The following SRP68 variants were observed in gnomAD, a reference collection of about 807,000 sequenced individuals.
SRP68 encodes signal recognition particle subunit SRP68.
In SRP68, 15 loss-of-function variants were observed where a neutral mutation model predicts 82.2. The ratio of observed to expected loss-of-function variants is 0.18; its 90% CI spans 0.12 to 0.28. SRP68 has a LOEUF of 0.28. SRP68 is among the 10% of genes least tolerant of loss of function. The pLI is 1.00. For synonymous variants in SRP68, 261 were observed against 292.6 expected (o/e 0.89, Z 1.10); for missense variants, 595 against 780.5 (o/e 0.76, Z 2.83).
intron 7 of SRP68, among the ~76,000 whole-genome samples, chr17:76,059,709 G>A (rs1183193435): frequency 1.3e-5 from 2 of 151,562 alleles, no homozygotes; most frequent in African/African-American, 2.4e-5. Context: ...AACGCTGGGA[G>A]GCCGAGGCGG....
In SRP68 at chr17:76,039,921, G is replaced by A. The variant is rs140566396; in HGVS notation, c.1669C>T (p.Arg557Trp). The change falls in exon 16 of 16, where the codon CGG becomes TGG. Residue 557 changes from arginine (R) to tryptophan (W), a missense_variant. Physicochemically the swap from Arg to Trp is moderately radical, Grantham distance 101. Coordinates refer to ENST00000307877, the MANE Select transcript of SRP68 (RefSeq NM_014230.4). ...GGGTCCAGGCAGAATGTCTCAAACC[G>A]TTCAACCAGAGGCTGGAAGTCAAAT... The part of the protein sequence containing the change: ...QVKDNKPLVE[R>W]FETFCLDPSL... 4.0e-5 allele frequency: 64 copies of A among 1,614,022 alleles called. No individual in the cohort carries two copies. Among genetic ancestry groups the A allele is most frequent in the Middle Eastern group, 3.3e-4 (2 of 6,084 alleles).
Position 76,072,159 on chromosome 17 carries a change from A to T in SRP68, c.184+149T>A. ...TAGTCGAGAGACAGACCCCCCCCGG[A>T]ATTCTGAGCACCAAAAGGTAAGGGC... On this transcript the variant is annotated intron_variant, in intron 1 of 15. Coordinates refer to ENST00000307877, the MANE Select transcript of SRP68 (RefSeq NM_014230.4). The surrounding 1 kb of genome is among the most constrained non-coding windows in gnomAD (Gnocchi z 4.5). 3.3e-6 allele frequency: 4 copies of T among 1,213,808 alleles called. No individual in the cohort carries two copies. The highest frequency in any genetic ancestry group is 3.4e-6 in the Non-Finnish European group (3 of 872,688). 75.2% of individuals were successfully genotyped at this position (1,213,808 alleles called of 1,614,324 possible). A position where few individuals can be genotyped will look rare whatever the true frequency, so the allele number is the denominator to read the frequency against.
intron 13 of SRP68, 169 bp downstream of exon 13, chr17:76,043,660 T>C (rs2066608128): frequency 3.6e-6 from 2 of 548,356 alleles, no homozygotes; most frequent in Non-Finnish European, 6.0e-6. Flanking sequence ...AGCACAGCCA[T>C]GAGTGACACA....
intron 8 of SRP68, among the ~76,000 whole-genome samples, chr17:76,055,795 CT>C (rs1269495100): frequency 2.8e-5 from 4 of 140,922 alleles, no homozygotes; most frequent in South Asian, 2.2e-4. Flanking sequence ...AAGTTATTAA[CT>C]TTTTTTTCTT....
Position 76,040,444 on chromosome 17 carries a change from G to A in SRP68, c.1631C>T (p.Ser544Phe). Reference sequence around the variant, plus strand: ...CTTATTGTCCTTGACTTGGGAGGAGGAGGTCTCTGTTTGATGAGCGTCGTT... The same window carrying A: ...CTTATTGTCCTTGACTTGGGAGGAGAAGGTCTCTGTTTGATGAGCGTCGTT... ...DANDAHQTET[S>F]SSQVKDNKPL... The change falls in exon 15 of 16, where the codon TCC becomes TTC. Residue 544 changes from serine to phenylalanine, a missense_variant. Ser to Phe is a radical substitution (Grantham distance 155). This residue lies in a region of SRP68 where 495 missense variants were observed against 688.6 expected (regional missense o/e 0.72). Transcript: ENST00000307877. 1 of 1,614,200 alleles carries A rather than the reference G, an allele frequency of 6.2e-7. No individual in the cohort carries two copies. The highest frequency in any genetic ancestry group is 8.5e-7 in the Non-Finnish European group (1 of 1,180,020).
chr17:76,047,082 G>A (rs1230814788), intron 10 of SRP68, among the ~76,000 whole-genome samples: 5 of 152,200 alleles, frequency 3.3e-5, no homozygotes, highest in African/African-American at 4.8e-5. Context: ...AATGAGGCAA[G>A]GGCCGCAGGG....
chr17:76,059,665 G>A (rs1319669593), intron 7 of SRP68, among the ~76,000 whole-genome samples: 2 of 151,904 alleles, frequency 1.3e-5, no homozygotes, highest in African/African-American at 4.8e-5. Context: ...TTGAATACTT[G>A]GCCGAGAACA....
intron 6 of SRP68, chr17:76,060,678 G>A (rs1467950819): frequency 1.0e-5 from 4 of 381,486 alleles, no homozygotes; most frequent in Non-Finnish European, 1.9e-5. Context: ...TGGACTTTGG[G>A]AGATGATGGT....
intron 8 of SRP68, 22 bp downstream of exon 8, chr17:76,057,381 A>G: frequency 2.5e-6 from 4 of 1,614,118 alleles, no homozygotes; most frequent in Non-Finnish European, 3.4e-6. Flanking sequence ...AGAAGACAGC[A>G]CAGTAAGTTC....
In SRP68 at chr17:76,072,319, A is replaced by C; in HGVS notation, c.173T>G (p.Leu58Arg). The C allele has an allele frequency of 6.2e-7, 1 of 1,612,106 alleles. No individual in the cohort carries two copies. The highest frequency in any genetic ancestry group is 8.5e-7 in the Non-Finnish European group (1 of 1,179,420). ...SKANKEFGDS[L>R]SLEILQIIKE... The stretch of plus-strand genomic sequence containing the variant: ...TTACTCTAGGATACTCTCCAAACTC[A>C]GGCTATCCCCAAATTCTTTGTTTGC... The change falls in exon 1 of 16, where the codon CTG becomes CGG. Residue 58 changes from leucine to arginine, a missense_variant. Physicochemically the swap from Leu to Arg is moderately radical, Grantham distance 102. This residue lies in a region of SRP68 where 100 missense variants were observed against 91.9 expected (regional missense o/e 1.09). Coordinates refer to ENST00000307877, the MANE Select transcript of SRP68 (RefSeq NM_014230.4). The surrounding 1 kb of genome is among the most constrained non-coding windows in gnomAD (Gnocchi z 4.5).
chr17:76,067,133 G>T, intron 3 of SRP68, 84 bp downstream of exon 3: 2 of 1,031,854 alleles, frequency 1.9e-6, no homozygotes, highest in Non-Finnish European at 3.0e-6. Context: ...ATAATTAAAA[G>T]GTTTGGCATG....
At chr17:76,056,019 C>T (rs1205642356) in intron 8 of SRP68, among the ~76,000 whole-genome samples, 1 of 151,756 alleles carries the variant, frequency 6.6e-6, no homozygotes, top group Non-Finnish European at 1.5e-5. Context: ...CACCATGATG[C>T]CCAGGCTGGT....
At chr17:76,061,612 C>T in intron 4 of SRP68, 38 bp from the exon 5 acceptor site, 1 of 1,523,154 alleles carries the variant, frequency 6.6e-7, no homozygotes, top group Middle Eastern at 1.7e-4. Flanking sequence ...GCTTCAACAG[C>T]AAACCAGTGC....
At chr17:76,054,220 G>T (rs2066696238) in intron 8 of SRP68, among the ~76,000 whole-genome samples, 1 of 152,192 alleles carries the variant, frequency 6.6e-6, no homozygotes, top group Admixed American at 6.5e-5. Flanking sequence ...GCTGCAGTGT[G>T]TCCTGAGGTA....
intron 10 of SRP68, among the ~76,000 whole-genome samples, chr17:76,046,662 C>T (rs2066634458): frequency 6.6e-6 from 1 of 151,626 alleles, no homozygotes; most frequent in Non-Finnish European, 1.5e-5. Flanking sequence ...AAACGGGGGG[C>T]CAGGGGCAGT....
chr17:76,043,996 A>G, intron 12 of SRP68, 38 bp from the exon 13 acceptor site: 1 of 1,578,622 alleles, frequency 6.3e-7, no homozygotes, highest in African/African-American at 1.4e-5. Flanking sequence ...ATTCTAAAGC[A>G]GCAATTACCC....
chr17:76,040,070 C>G, intron 15 of SRP68, 137 bp from the exon 16 acceptor site: 1 of 820,722 alleles, frequency 1.2e-6, no homozygotes, highest in Non-Finnish European at 1.9e-6. Context: ...CAGCCTCCTA[C>G]GAGGAGGGGC....
chr17:76,041,903 C>A (rs1266135666), intron 13 of SRP68, among the ~76,000 whole-genome samples: 1 of 150,190 alleles, frequency 6.7e-6, no homozygotes, highest in African/African-American at 2.5e-5. Flanking sequence ...TTTTTTTTTT[C>A]TTTTTTTGAG....
chr17:76,061,101 T>C lies in SRP68; in HGVS notation c.754+9A>G, dbSNP rs1337350270. On this transcript the variant is annotated intron_variant, in intron 6 of 15. Coordinates refer to ENST00000307877, the MANE Select transcript of SRP68 (RefSeq NM_014230.4). ...AAGTTGAGTATAATGCCTTGATCCC[T>C]GCTCTCACCAATATTATATGCACAA... The C allele has an allele frequency of 6.4e-7, 1 of 1,564,626 alleles. No homozygotes were observed. Among genetic ancestry groups the C allele is most frequent in the Admixed American group, 1.7e-5 (1 of 59,874 alleles).
Sources: allele counts gnomAD v4.1 joint callset (sites outside exome capture counted in the v4.1 genomes callset), GRCh38; gene constraint gnomAD v4.1.1; regional missense constraint gnomAD v4.1.1; non-coding constraint Gnocchi (gnomAD v3.1); transcripts MANE v1.5; gene names NCBI Gene and HGNC (gene_info 2026-07-23, HGNC 2026-07-21).